The following ITGA1 variants were observed in gnomAD, a reference collection of about 807,000 sequenced individuals.
The protein encoded by ITGA1 is integrin subunit alpha 1.
Under a neutral mutation model 145.9 loss-of-function variants are expected in ITGA1, and 85 were observed. The ratio of observed to expected loss-of-function variants is 0.58; its 90% confidence interval spans 0.49 to 0.70. The LOEUF is 0.70. ITGA1 is among the 30% of genes least tolerant of loss of function. ITGA1 has a pLI of 0.00. For synonymous variants in ITGA1, 520 were observed against 495.3 expected, an observed-to-expected ratio of 1.05 and a Z score of -0.66; for missense variants, 1,351 against 1,418.7, an observed-to-expected ratio of 0.95 and a Z score of 0.77.
intron 12 of ITGA1, among the ~76,000 whole-genome samples, chr5:52,906,109 T>C (rs1750401203): frequency 6.6e-6 from 1 of 152,116 alleles, no homozygotes; most frequent in Middle Eastern, 3.2e-3. Flanking sequence ...AGGTAAGATA[T>C]ACAATAGATG....
intron 14 of ITGA1, among the ~76,000 whole-genome samples, chr5:52,913,795 A>T (rs562149873): frequency 5.3e-5 from 8 of 152,350 alleles, no homozygotes; most frequent in Admixed American, 4.6e-4. Context: ...TGTAATGCAA[A>T]CATGAGTGAT....
Position 52,849,441 on chromosome 5 carries a change from G to A in ITGA1, c.138G>A (p.Met46Ile). Reference protein sequence around the residue: ...SMTFSGPVEDMFGYTVQQYEN... With the variant: ...SMTFSGPVEDIFGYTVQQYEN... ...CTTTCAGCGGCCCGGTGGAAGACAT[G>A]TTTGGATATACTGTTCAACAATATG... is the stretch of plus-strand genomic sequence containing the variant. The change falls in exon 2 of 29, where the codon ATG becomes ATA. Residue 46 changes from methionine (M) to isoleucine (I), a missense_variant. Transcript: ENST00000282588. 1 of 1,611,848 alleles carries A rather than the reference G, an allele frequency of 6.2e-7. No individual in the cohort carries two copies. Among genetic ancestry groups the A allele is most frequent in the Non-Finnish European group, 8.5e-7 (1 of 1,179,246 alleles).
chr5:52,817,531 A>G (rs985999520), intron 1 of ITGA1, among the ~76,000 whole-genome samples: 3 of 152,244 alleles, frequency 2.0e-5, no homozygotes, highest in African/African-American at 7.2e-5. Context: ...TGCCCAGGCC[A>G]TGTAGAGATT....
intron 1 of ITGA1, chr5:52,802,002 T>C (rs1014990600): frequency 1.7e-6 from 1 of 571,870 alleles, no homozygotes; most frequent in Admixed American, 3.3e-5. Context: ...TGGCAAGACA[T>C]GTATTTAAAC....
intron 7 of ITGA1, 86 bp from the exon 8 acceptor site, chr5:52,887,729 G>A: frequency 7.6e-7 from 1 of 1,313,816 alleles, no homozygotes; most frequent in South Asian, 1.6e-5. Flanking sequence ...GCTACCTAGA[G>A]TAGTCAGTGT....
intron 18 of ITGA1, 73 bp downstream of exon 18, chr5:52,922,960 T>C: frequency 2.3e-6 from 2 of 880,004 alleles, no homozygotes; most frequent in South Asian, 1.4e-5. Context: ...ACTGTGTTTT[T>C]TCACTACTCT....
intron 14 of ITGA1, among the ~76,000 whole-genome samples, chr5:52,912,284 A>G (rs1750569161): frequency 6.9e-6 from 1 of 144,918 alleles, no homozygotes; most frequent in African/African-American, 2.5e-5. Context: ...TATACTATAT[A>G]TATTATCTAT....
At chr5:52,931,656 C>T (rs1419146272) in intron 21 of ITGA1, 1 of 156,094 alleles carries the variant, frequency 6.4e-6, no homozygotes, top group Non-Finnish European at 1.4e-5. Context: ...GATAAATAAG[C>T]ATCACCTGGG....
intron 1 of ITGA1, among the ~76,000 whole-genome samples, chr5:52,820,036 T>C (rs1357908396): frequency 7.1e-6 from 1 of 140,280 alleles, no homozygotes; most frequent in East Asian, 2.0e-4. Flanking sequence ...CCATGCTGTT[T>C]TGGTTACTGT....
At chr5:52,874,953 A>G (rs557147081) in intron 6 of ITGA1, among the ~76,000 whole-genome samples, 18 of 152,318 alleles carry the variant, frequency 1.2e-4, no homozygotes, top group African/African-American at 4.1e-4. Flanking sequence ...ACAAAAAAAT[A>G]TTACTTTAAA....
chr5:52,944,867 A>T (rs1449883277), intron 26 of ITGA1, 76 bp from the exon 27 acceptor site: 2 of 968,090 alleles, frequency 2.1e-6, no homozygotes, highest in African/African-American at 3.3e-5. Context: ...GCTTTTATAA[A>T]TGTCCTACTC....
intron 26 of ITGA1, among the ~76,000 whole-genome samples, chr5:52,944,391 G>A (rs532202835): frequency 4.6e-5 from 7 of 152,180 alleles, no homozygotes; most frequent in South Asian, 2.1e-4. Flanking sequence ...GGTACCCTAC[G>A]CAGGGTTCCC....
intron 2 of ITGA1, among the ~76,000 whole-genome samples, chr5:52,857,203 A>T (rs777705764): frequency 8.5e-5 from 13 of 152,156 alleles, no homozygotes; most frequent in Non-Finnish European, 1.5e-4. Context: ...AAGTGTACAC[A>T]ATTCCAAACC....
intron 1 of ITGA1, among the ~76,000 whole-genome samples, chr5:52,833,374 A>G (rs1005972436): frequency 5.3e-5 from 8 of 152,210 alleles, no homozygotes; most frequent in Admixed American, 2.0e-4. Context: ...TTGTTCACAC[A>G]GTTATGTAAG....
chr5:52,886,123 G>T (rs1417968972), intron 7 of ITGA1, among the ~76,000 whole-genome samples: 1 of 152,122 alleles, frequency 6.6e-6, no homozygotes, highest in East Asian at 1.9e-4. Flanking sequence ...ACACAGCCCA[G>T]GGTCAGAGCC....
Position 52,918,794 on chromosome 5 carries a change from A to C in ITGA1, c.2051A>C (p.Gln684Pro), listed in dbSNP as rs1187582485. 6.2e-7 allele frequency: 1 copy of C among 1,612,942 alleles called. No homozygotes were observed. Among genetic ancestry groups the C allele is most frequent in the South Asian group, 1.1e-5 (1 of 90,736 alleles). The change falls in exon 16 of 29, where the codon CAA (glutamine) becomes CCA (proline). Residue 684 changes from glutamine (Q) to proline (P), a missense_variant. By Grantham distance (76) the Gln-to-Pro change is moderately conservative. Coordinates refer to ENST00000282588, the MANE Select transcript of ITGA1 (RefSeq NM_181501.2). ...MNFEPNKVNI[Q>P]KKNCHMEGKE... ...TTTGAGCCAAATAAAGTGAATATTC[A>C]AAAGAAAAACTGCCATATGGAGGGA...
intron 6 of ITGA1, among the ~76,000 whole-genome samples, chr5:52,873,114 C>A (rs978946714): frequency 6.6e-6 from 1 of 152,210 alleles, no homozygotes; most frequent in Non-Finnish European, 1.5e-5. Context: ...TTTTCACCTT[C>A]TCATGTATAA....
chr5:52,940,234 G>A (rs528264982), intron 26 of ITGA1, among the ~76,000 whole-genome samples: 96 of 152,070 alleles, frequency 6.3e-4, no homozygotes, highest in Non-Finnish European at 2.5e-4. Flanking sequence ...CAGTACCAAA[G>A]CTTGCACTTA....
intron 8 of ITGA1, 32 bp downstream of exon 8, chr5:52,887,997 CTT>C (rs1561238086): frequency 6.2e-7 from 1 of 1,601,190 alleles, no homozygotes; most frequent in East Asian, 2.2e-5. Flanking sequence ...TTTTCAAACT[CTT>C]AGGTGTAGAG....
Sources: allele counts gnomAD v4.1 joint callset (sites outside exome capture counted in the v4.1 genomes callset), GRCh38; gene constraint gnomAD v4.1.1; transcripts MANE v1.5; gene names NCBI Gene and HGNC (gene_info 2026-07-23, HGNC 2026-07-21).